Variants in STAU2 observed in about 807,000 individuals in gnomAD.
STAU2 encodes staufen double-stranded RNA binding protein 2.
A neutral mutation model predicts 65.9 loss-of-function variants in STAU2; 20 were observed. That is an observed-to-expected ratio of 0.30 (90% CI 0.21 to 0.44). STAU2 has a LOEUF of 0.44. STAU2 is among the 20% of genes least tolerant of loss of function. The probability of loss-of-function intolerance (pLI) is 1.00; values close to 1 mark genes in which losing one functional copy is unlikely to be tolerated. For synonymous variants in STAU2, 232 were observed against 233.9 expected (o/e 0.99, Z 0.07); for missense variants, 558 against 683.9 (o/e 0.82, Z 2.05).
At chr8:73,700,155 T>A (rs1819990419) in intron 4 of STAU2, among the ~76,000 whole-genome samples, 1 of 152,062 alleles carries the variant, frequency 6.6e-6, no homozygotes, top group South Asian at 2.1e-4. Flanking sequence ...TAACTGGGCA[T>A]AAAAGGAACA....
chr8:73,738,728 G>A (rs147573383), intron 2 of STAU2, among the ~76,000 whole-genome samples: 129 of 152,210 alleles, frequency 8.5e-4, no homozygotes, highest in Admixed American at 4.8e-3. Flanking sequence ...ATAAATCTGA[G>A]AGTTTCAGGT....
At chr8:73,737,295 C>T (rs34258897) in intron 3 of STAU2, among the ~76,000 whole-genome samples, 6,697 of 151,970 alleles carry the variant, frequency 0.044, 188 homozygotes, top group South Asian at 0.13. Flanking sequence ...CTCAGCCTCC[C>T]GAGTAGCTGG....
chr8:73,561,248 G>A (rs1296338731), intron 12 of STAU2, among the ~76,000 whole-genome samples: 1 of 152,162 alleles, frequency 6.6e-6, no homozygotes, highest in Non-Finnish European at 1.5e-5. Context: ...GAATTCCCCA[G>A]AAGCGCATTC....
intron 6 of STAU2, chr8:73,670,422 C>T (rs1452786902): frequency 6.6e-6 from 1 of 151,860 alleles, no homozygotes; most frequent in Admixed American, 6.6e-5. Flanking sequence ...AGTTTCCACA[C>T]CTCGTGGACA....
At chr8:73,528,228 CTCT>C in intron 13 of STAU2, among the ~76,000 whole-genome samples, 1 of 152,300 alleles carries the variant, frequency 6.6e-6, no homozygotes, top group East Asian at 1.9e-4. Context: ...GGTACTGACA[CTCT>C]TCTATTTCTA....
chr8:73,564,135 T>C (rs1013328491), intron 12 of STAU2, among the ~76,000 whole-genome samples: 45 of 152,318 alleles, frequency 3.0e-4, no homozygotes, highest in Admixed American at 1.4e-3. Context: ...GTGAGTGGAA[T>C]GTGCATCCAA....
At chr8:73,731,105 T>C (rs1806036163) in intron 3 of STAU2, among the ~76,000 whole-genome samples, 2 of 152,196 alleles carry the variant, frequency 1.3e-5, no homozygotes, top group South Asian at 4.1e-4. Flanking sequence ...TTGTGAACTC[T>C]GGAAATTGTT....
chr8:73,500,657 C>T (rs1585882869), intron 13 of STAU2, among the ~76,000 whole-genome samples: 2 of 151,786 alleles, frequency 1.3e-5, no homozygotes, highest in African/African-American at 4.8e-5. Context: ...ACCATATGAT[C>T]TTAGTGGCAA....
intron 6 of STAU2, among the ~76,000 whole-genome samples, chr8:73,671,194 G>A (rs1057393746): frequency 1.3e-5 from 2 of 152,084 alleles, no homozygotes; most frequent in African/African-American, 4.8e-5. Context: ...ACTTTGAGAG[G>A]CTGAGAGAGG....
intron 12 of STAU2, among the ~76,000 whole-genome samples, chr8:73,575,400 A>G (rs1809465803): frequency 6.6e-6 from 1 of 152,222 alleles, no homozygotes; most frequent in Non-Finnish European, 1.5e-5. Context: ...GTAGAGACGT[A>G]AACTGCTGTC....
chr8:73,600,132 A>C (rs1213290922), intron 10 of STAU2, among the ~76,000 whole-genome samples: 1 of 152,236 alleles, frequency 6.6e-6, no homozygotes, highest in African/African-American at 2.4e-5. Flanking sequence ...ATATACAACA[A>C]AATGGTAAGA....
intron 4 of STAU2, among the ~76,000 whole-genome samples, chr8:73,708,057 C>T (rs1365124563): frequency 6.6e-6 from 1 of 152,090 alleles, no homozygotes; most frequent in Non-Finnish European, 1.5e-5. Flanking sequence ...GGACATATAG[C>T]TGGAAAGGTA....
At chr8:73,505,246 A>G (rs1029531081) in intron 13 of STAU2, among the ~76,000 whole-genome samples, 4 of 152,090 alleles carry the variant, frequency 2.6e-5, no homozygotes, top group African/African-American at 7.2e-5. Context: ...GATTTTTTTA[A>G]GCAAGTAAAA....
intron 12 of STAU2, among the ~76,000 whole-genome samples, chr8:73,581,916 T>G (rs920851201): frequency 3.3e-5 from 5 of 152,190 alleles, no homozygotes; most frequent in African/African-American, 7.2e-5. Context: ...TACGATAATT[T>G]ACAGATTTAA....
At chr8:73,745,035 G>A (rs1308597654) in intron 1 of STAU2, among the ~76,000 whole-genome samples, 5 of 152,192 alleles carry the variant, frequency 3.3e-5, no homozygotes, top group East Asian at 1.9e-4. Flanking sequence ...TAATTTGTGA[G>A]CAAGTATGTA....
chr8:73,688,427 A>G (rs561902958), intron 5 of STAU2, among the ~76,000 whole-genome samples: 1 of 151,438 alleles, frequency 6.6e-6, no homozygotes, highest in Non-Finnish European at 1.5e-5. Flanking sequence ...CGGCCTCCCA[A>G]AGTGCTGGGA....
At chr8:73,651,482 C>T in intron 6 of STAU2, 2 of 692,394 alleles carry the variant, frequency 2.9e-6, no homozygotes, top group Non-Finnish European at 5.3e-6. Context: ...GCTGAACAGC[C>T]TCTTCTCGGA....
intron 13 of STAU2, among the ~76,000 whole-genome samples, chr8:73,508,593 A>T (rs1822198936): frequency 6.6e-6 from 1 of 152,228 alleles, no homozygotes. Flanking sequence ...TGAAGTGGGC[A>T]CATGTTGTTG....
chr8:73,622,679 G>C (rs1471642912), intron 6 of STAU2, among the ~76,000 whole-genome samples: 1 of 152,180 alleles, frequency 6.6e-6, no homozygotes, highest in East Asian at 1.9e-4. Flanking sequence ...CCTAATGCAA[G>C]GGATCTAAAG....
Sources: allele counts gnomAD v4.1 joint callset (sites outside exome capture counted in the v4.1 genomes callset), GRCh38; gene constraint gnomAD v4.1.1; transcripts MANE v1.5; gene names NCBI Gene and HGNC (gene_info 2026-07-23, HGNC 2026-07-21).